The following SLC71A2 variants were observed in gnomAD, a reference collection of about 807,000 sequenced individuals.
The protein encoded by SLC71A2 is solute carrier family 71 member 2.
the SLC71A2 span, among the ~76,000 whole-genome samples, chr9:94,439,825 A>C: frequency 2.0e-5 from 3 of 152,042 alleles, no homozygotes; most frequent in Non-Finnish European, 4.4e-5. Context: ...TTGTTCTGCT[A>C]CAACATGAGC....
At chr9:94,439,635 G>C in the SLC71A2 span, among the ~76,000 whole-genome samples, 4 of 151,024 alleles carry the variant, frequency 2.6e-5, no homozygotes, top group Admixed American at 2.6e-4. Context: ...AAATTTATTG[G>C]GTACTTATAA....
chr9:94,388,342 T>C, the SLC71A2 span, among the ~76,000 whole-genome samples: 3 of 152,188 alleles, frequency 2.0e-5, no homozygotes, highest in South Asian at 2.1e-4. Context: ...GGGAAACTTA[T>C]GGAGGCCAGT....
chr9:94,451,437 T>A, the SLC71A2 span: 3 of 1,351,586 alleles, frequency 2.2e-6, no homozygotes, highest in South Asian at 4.3e-5. Flanking sequence ...ACTAAAGTGT[T>A]TTCATTTCAT....
chr9:94,457,384 T>C, the SLC71A2 span, among the ~76,000 whole-genome samples: 1 of 115,994 alleles, frequency 8.6e-6, no homozygotes, highest in Admixed American at 1.0e-4. Context: ...AATTTTTTAA[T>C]GCCTAAGAGC....
chr9:94,405,617 A>G, the SLC71A2 span, among the ~76,000 whole-genome samples: 1 of 151,878 alleles, frequency 6.6e-6, no homozygotes, highest in Non-Finnish European at 1.5e-5. Flanking sequence ...ACAGGCACAC[A>G]CCACCATGCC....
At chr9:94,397,305 T>C in the SLC71A2 span, among the ~76,000 whole-genome samples, 2 of 152,128 alleles carry the variant, frequency 1.3e-5, no homozygotes, top group African/African-American at 4.8e-5. Flanking sequence ...CCAGTGTCCA[T>C]GCACTATTAT....
the SLC71A2 span, among the ~76,000 whole-genome samples, chr9:94,439,918 C>T: frequency 0.068 from 10,403 of 152,062 alleles, 455 homozygotes; most frequent in Non-Finnish European, 0.1. Context: ...TCATACTGCT[C>T]ACTGCTTTTG....
At chr9:94,459,546 G>A in the SLC71A2 span, 29 of 786,554 alleles carry the variant, frequency 3.7e-5, no homozygotes, top group South Asian at 8.5e-5. Flanking sequence ...AAATACCACC[G>A]CCATCATTCT....
chr9:94,451,435 G>T, the SLC71A2 span: 1 of 1,309,704 alleles, frequency 7.6e-7, no homozygotes, highest in Non-Finnish European at 1.1e-6. Context: ...TTACTAAAGT[G>T]TTTTCATTTC....
chr9:94,450,507 T>TTTTTTTC, the SLC71A2 span, among the ~76,000 whole-genome samples: 1 of 137,220 alleles, frequency 7.3e-6, no homozygotes, highest in African/African-American at 3.0e-5. Context: ...TTTTTTTTTT[T>TTTTTTTC]GAGATGGAGT....
At chr9:94,410,954 T>A in the SLC71A2 span, among the ~76,000 whole-genome samples, 1 of 152,056 alleles carries the variant, frequency 6.6e-6, no homozygotes, top group Non-Finnish European at 1.5e-5. Context: ...TTAGTAGAGA[T>A]GGGGTTTTGC....
chr9:94,419,379 C>T, the SLC71A2 span, among the ~76,000 whole-genome samples: 2 of 151,430 alleles, frequency 1.3e-5, no homozygotes, highest in South Asian at 2.1e-4. Flanking sequence ...CTGCAACTTC[C>T]GCCTCCTGGA....
the SLC71A2 span, among the ~76,000 whole-genome samples, chr9:94,439,321 T>TC: frequency 0.019 from 2,822 of 151,880 alleles, 74 homozygotes; most frequent in African/African-American, 0.064. Flanking sequence ...TTTTTTTTTT[T>TC]TTTCTTTGTA....
At chr9:94,394,906 A>T in the SLC71A2 span, among the ~76,000 whole-genome samples, 1 of 113,630 alleles carries the variant, frequency 8.8e-6, no homozygotes, top group Non-Finnish European at 1.9e-5. Flanking sequence ...TTGTGGCAGT[A>T]CTTTTTTTGT....
chr9:94,383,582 T>C, the SLC71A2 span, among the ~76,000 whole-genome samples: 1 of 152,138 alleles, frequency 6.6e-6, no homozygotes, highest in Non-Finnish European at 1.5e-5. Context: ...TTACTGGAGG[T>C]TCATAAGACT....
the SLC71A2 span, among the ~76,000 whole-genome samples, chr9:94,449,681 C>A: frequency 6.6e-6 from 1 of 152,190 alleles, no homozygotes. Context: ...CCAAAATATT[C>A]AACATATAGT....
At chr9:94,436,599 C>A in the SLC71A2 span, among the ~76,000 whole-genome samples, 4 of 151,920 alleles carry the variant, frequency 2.6e-5, no homozygotes, top group Admixed American at 6.6e-5. Context: ...CCTCCTTCAC[C>A]CACCCATGTG....
the SLC71A2 span, among the ~76,000 whole-genome samples, chr9:94,437,463 G>A: frequency 6.6e-6 from 1 of 152,010 alleles, no homozygotes; most frequent in Non-Finnish European, 1.5e-5. Flanking sequence ...CTTTGCTTCT[G>A]TGTGGTGTTA....
the SLC71A2 span, among the ~76,000 whole-genome samples, chr9:94,426,037 C>T: frequency 6.6e-6 from 1 of 151,288 alleles, no homozygotes; most frequent in Non-Finnish European, 1.5e-5. Flanking sequence ...AGGTGGAAAG[C>T]CTTATTCCCT....
Sources: gnomAD v4.1 joint callset for allele counts (sites outside exome capture counted in the v4.1 genomes callset) on GRCh38, gnomAD v4.1.1 for gene constraint, MANE v1.5 for transcripts, NCBI Gene and HGNC (gene_info 2026-07-23, HGNC 2026-07-21) for gene names.